BCORL1: variants seen among roughly 807,000 people sequenced by gnomAD.
The protein encoded by BCORL1 is BCL-6 corepressor-like protein 1.
BCORL1 carries 7 observed loss-of-function variants against 87.6 expected under a neutral mutation model. The ratio of observed to expected loss-of-function variants is 0.08; its 90% CI spans 0.05 to 0.15. The LOEUF (loss-of-function observed/expected upper bound fraction) is 0.15, where lower values mean the gene tolerates loss of function less well. Among genes scored for constraint, BCORL1 ranks in the 10% least tolerant of loss-of-function variants. BCORL1 has a pLI of 1.00. For synonymous variants in BCORL1, 591 were observed against 634.4 expected (o/e 0.93, Z 1.03); for missense variants, 1,215 against 1,499.7 (o/e 0.81, Z 3.13).
Position 130,013,407 on chromosome X carries a change from C to T in BCORL1, c.635C>T (p.Ser212Phe), listed in dbSNP as rs1173622071. ...PICPPAPGSA[S>F]VPHSVPDAFQ... Reference sequence around the variant, plus strand: ...TGTCCCCCTGCTCCCGGTTCGGCCTCTGTGCCCCACTCTGTTCCAGATGCA... The same window carrying T: ...TGTCCCCCTGCTCCCGGTTCGGCCTTTGTGCCCCACTCTGTTCCAGATGCA... Residue 212 changes from serine to phenylalanine, a missense_variant, in exon 4 of 14, where the codon TCT (serine) becomes TTT (phenylalanine). This residue lies in a region of BCORL1 where 861 missense variants were observed against 1,010.0 expected (regional missense o/e 0.85). Coordinates refer to ENST00000540052, the MANE Select transcript of BCORL1 (RefSeq NM_001379451.1). The T allele has an allele frequency of 2.5e-6, 3 of 1,209,364 alleles. No individual in the cohort carries two copies. The African/African-American group carries it at 5.3e-5, about 21-fold the overall frequency.
intron 1 of BCORL1, among the ~76,000 whole-genome samples, chrX:130,000,894 CTTTG>C (rs1927986479): frequency 1.1e-5 from 1 of 89,158 alleles, no homozygotes; most frequent in African/African-American, 5.1e-5. Context: ...ATGGTGGATG[CTTTG>C]TGTGTGTGTG....
intron 4 of BCORL1, among the ~76,000 whole-genome samples, chrX:130,019,516 C>CT (rs972901391): frequency 2.7e-5 from 3 of 112,305 alleles, no homozygotes; most frequent in Non-Finnish European, 5.6e-5. Context: ...TTTGTAGGAA[C>CT]TGGCAGCAAG....
rs1015023171 is a variant in BCORL1 at position 130,056,172 on chromosome X, G to A, written c.*36G>A. 3.3e-5 allele frequency: 37 copies of A among 1,114,483 alleles called. No individual in the cohort carries two copies. Among genetic ancestry groups the A allele is most frequent in the Admixed American group, 6.3e-5 (2 of 31,713 alleles). The allele number at this position is 1,114,483 out of a possible 1,213,427, so 91.8% of individuals were successfully genotyped here. On this transcript the variant is annotated 3_prime_UTR_variant, in exon 14 of 14. Transcript: ENST00000540052. ...AGCCCCTCCTCTTCTTTCTCCTTCC[G>A]AGTTCGCCCTTCCCCCACCTCCTTG...
intron 11 of BCORL1, among the ~76,000 whole-genome samples, chrX:130,041,863 G>A (rs1233041005): frequency 9.0e-6 from 1 of 111,676 alleles, no homozygotes; most frequent in Non-Finnish European, 1.9e-5. Context: ...TCCTGACCTC[G>A]TGATCCGCCC....
Position 130,015,306 on chromosome X carries a change from G to T in BCORL1, c.2534G>T (p.Gly845Val). The T allele has an allele frequency of 8.3e-7, 1 of 1,211,652 alleles. No homozygotes were observed. The highest frequency in any genetic ancestry group is 2.3e-4 in the Middle Eastern group (1 of 4,356). ...PYHQASLLSI[G>V]ISSAGQLTPS... The stretch of plus-strand genomic sequence containing the variant: ...CACCAGGCGTCTCTGCTTTCCATTG[G>T]CATTTCCAGTGCCGGGCAGCTGACC... The change falls in exon 4 of 14, where the codon GGC (glycine) becomes GTC (valine). Residue 845 changes from glycine to valine, a missense_variant. Gly to Val is a moderately radical substitution (Grantham distance 109). Coordinates refer to ENST00000540052, the MANE Select transcript of BCORL1 (RefSeq NM_001379451.1).
rs372581512 is a variant in BCORL1 at position 130,013,240 on chromosome X, C to A, written c.468C>A (p.Pro156=). The change falls in exon 4 of 14, where the codon CCC becomes CCA. Residue 156 remains proline, a synonymous_variant. Coordinates refer to ENST00000540052, the MANE Select transcript of BCORL1 (RefSeq NM_001379451.1). ...TGAGCAAACAGGTTGACTGCTCACC[C>A]GCCGGAGTAAAGGCTTTGGACTCTC... ...TQMSKQVDCS[P]AGVKALDSRQ... The A allele has an allele frequency of 8.3e-7, 1 of 1,211,854 alleles. No individual in the cohort carries two copies. The highest frequency in any genetic ancestry group is 1.1e-6 in the Non-Finnish European group (1 of 895,478).
intron 9 of BCORL1, among the ~76,000 whole-genome samples, chrX:130,036,497 G>A (rs1236164435): frequency 8.9e-6 from 1 of 111,766 alleles, no homozygotes; most frequent in Admixed American, 9.5e-5. Context: ...CTGACCTCAG[G>A]TGATCTGCCC....
intron 13 of BCORL1, 112 bp from the exon 14 acceptor site, chrX:130,055,742 T>C (rs1932339069): frequency 3.6e-6 from 3 of 828,893 alleles, no homozygotes; most frequent in South Asian, 5.0e-5. Context: ...TGAGTTATAA[T>C]GGGAGACATT....
chrX:130,055,805 C>A (rs760429398), intron 13 of BCORL1, 49 bp from the exon 14 acceptor site: 11 of 1,153,355 alleles, frequency 9.5e-6, no homozygotes, highest in Non-Finnish European at 1.3e-5. Context: ...TCGGTGCCCC[C>A]ACCGCTTCCT....
chrX:130,009,377 C>T (rs755523566), intron 2 of BCORL1, among the ~76,000 whole-genome samples: 8 of 109,147 alleles, frequency 7.3e-5, no homozygotes, highest in Non-Finnish European at 1.5e-4. Context: ...AGGCGTGAGC[C>T]CGGGAGGCAG....
intron 12 of BCORL1, among the ~76,000 whole-genome samples, chrX:130,051,054 C>A (rs1932042416): frequency 8.9e-6 from 1 of 111,978 alleles, no homozygotes; most frequent in Non-Finnish European, 1.9e-5. Context: ...TCCGAGGTCC[C>A]TTTCTTCTCC....
At position 130,056,242 on chromosome X, in the gene BCORL1, C is replaced by T. The variant is rs73225593; in HGVS notation, c.*106C>T. ...CAGACTGCAGAATGAGGCAATAATA[C>T]GGACCAACAAGAAGCCGCCTTATCA... On this transcript the variant is annotated 3_prime_UTR_variant, in exon 14 of 14. Transcript: ENST00000540052. 43,883 of 884,213 alleles carry T rather than the reference C, an allele frequency of 0.05. 842 individuals are homozygous for T. The highest frequency in any genetic ancestry group is 0.075 in the South Asian group (2,487 of 33,232). 72.9% of individuals were successfully genotyped at this position (884,213 alleles called of 1,213,427 possible).
At chrX:130,000,451 G>A (rs182833198) in intron 1 of BCORL1, among the ~76,000 whole-genome samples, 1 of 112,372 alleles carries the variant, frequency 8.9e-6, no homozygotes, top group East Asian at 2.8e-4. Flanking sequence ...CTAAAATTAT[G>A]CTAACCCACA....
rs774848773 is a variant in BCORL1, at chrX:130,016,202, C to T, written c.3430C>T (p.His1144Tyr). 59 of 1,198,231 alleles carry T rather than the reference C, an allele frequency of 4.9e-5. No homozygotes were observed. Among genetic ancestry groups the T allele is most frequent in the Non-Finnish European group, 5.4e-5 (48 of 889,210 alleles). The change falls in exon 4 of 14, where the codon CAC becomes TAC. Residue 1144 changes from histidine (H) to tyrosine (Y), a missense_variant. His to Tyr is a moderately conservative substitution (Grantham distance 83). This residue lies in a region of BCORL1 where 861 missense variants were observed against 1,010.0 expected (regional missense o/e 0.85). Transcript: ENST00000540052. Reference sequence around the variant, plus strand: ...AGCCAAGGCCGTGGTCCGGAGTTCCCACAGACCCAAGGTGAGTGCTGAGCT... The same window carrying T: ...AGCCAAGGCCGTGGTCCGGAGTTCCTACAGACCCAAGGTGAGTGCTGAGCT... The part of the protein sequence containing the change: ...PQAKAVVRSS[H>Y]RPKCRKLPSD...
In BCORL1 at chrX:130,034,530, A is replaced by G. The variant is rs1327701948; in HGVS notation, c.4381A>G (p.Thr1461Ala). Reference protein sequence around the residue: ...PTPVKPTEPCTPSKSRSASSE... With the variant: ...PTPVKPTEPCAPSKSRSASSE... Reference sequence around the variant, plus strand: ...CCCAGTGAAACCCACAGAACCATGTACACCCTCTAAGTCCCGAAGTGCCAG... The same window carrying G: ...CCCAGTGAAACCCACAGAACCATGTGCACCCTCTAAGTCCCGAAGTGCCAG... Residue 1461 changes from threonine (T) to alanine (A), a missense_variant, in exon 9 of 14, where the codon ACA becomes GCA. Thr to Ala is a moderately conservative substitution (Grantham distance 58). Around this residue, in one of 5 missense-constraint regions of BCORL1, gnomAD observed 166 missense variants for 196.5 expected, o/e 0.84. Transcript: ENST00000540052. 5.8e-5 allele frequency: 57 copies of G among 981,235 alleles called. 1 individual carries two copies. In the Middle Eastern group the frequency reaches 8.3e-3, roughly 142 times the overall value. The allele number at this position is 981,235 out of a possible 1,213,427, so 80.9% of individuals were successfully genotyped here.
At position 129,992,856 on chromosome X, in the gene BCORL1, A is replaced by G. The variant is rs752161514; in HGVS notation, c.-45+10094A>G. Among the ~76,000 whole-genome samples, 5 of 110,989 alleles carry G rather than the reference A, an allele frequency of 4.5e-5. No homozygotes were observed. The South Asian group carries it at 1.9e-3, about 42-fold the overall frequency. On this transcript the variant is annotated intron_variant, in intron 1 of 13. Transcript: ENST00000540052. ...CAGGTGTGAGCCAGTGCGCCCAGCT[A>G]GGAATTGTCTTTAGGTGAAAAATTG...
chrX:130,037,290 G>A, intron 9 of BCORL1, 77 bp from the exon 10 acceptor site: 1 of 1,040,488 alleles, frequency 9.6e-7, no homozygotes. Context: ...GATATTTGGG[G>A]AGCTTTGAGT....
At position 130,016,020 on chromosome X, in the gene BCORL1, G is replaced by A. The variant is rs911694684; in HGVS notation, c.3248G>A (p.Arg1083Gln). The A allele has an allele frequency of 6.6e-6, 8 of 1,209,923 alleles. No homozygotes were observed. The highest frequency in any genetic ancestry group is 5.2e-5 in the African/African-American group (3 of 57,212). Residue 1083 changes from arginine (R) to glutamine (Q), a missense_variant, in exon 4 of 14, where the codon CGG (arginine) becomes CAG (glutamine). By Grantham distance (43) the Arg-to-Gln change is conservative (BLOSUM62 1). Coordinates refer to ENST00000540052, the MANE Select transcript of BCORL1 (RefSeq NM_001379451.1). ...VAPQRGQAEV[R>Q]AKAGQARVKQ... Reference sequence around the variant, plus strand: ...CCCCAGAGGGGCCAAGCTGAAGTTCGGGCTAAGGCCGGGCAGGCTCGAGTG... The same window carrying A: ...CCCCAGAGGGGCCAAGCTGAAGTTCAGGCTAAGGCCGGGCAGGCTCGAGTG...
chrX:130,046,492 A>G (rs58401878), intron 11 of BCORL1, among the ~76,000 whole-genome samples: 55 of 107,603 alleles, frequency 5.1e-4, no homozygotes, highest in Non-Finnish European at 9.4e-4. Context: ...TTAAGTGATT[A>G]TCGTGCCTCA....
Sources: allele counts gnomAD v4.1 joint callset (sites outside exome capture counted in the v4.1 genomes callset), GRCh38; gene constraint gnomAD v4.1.1; regional missense constraint gnomAD v4.1.1; transcripts MANE v1.5; gene names NCBI Gene and HGNC (gene_info 2026-07-23, HGNC 2026-07-21).